TTC28: variants seen among roughly 807,000 people sequenced by gnomAD.
TTC28 encodes the protein tetratricopeptide repeat domain 28.
Under a neutral mutation model 198.0 loss-of-function variants are expected in TTC28, and 61 were observed. The ratio of observed to expected loss-of-function variants is 0.31; its 90% CI spans 0.25 to 0.38. The LOEUF (loss-of-function observed/expected upper bound fraction) is 0.38, where lower values mean the gene tolerates loss of function less well. Among genes scored for constraint, TTC28 ranks in the 10% least tolerant of loss-of-function variants. The pLI, the probability that TTC28 is intolerant of heterozygous loss-of-function variation, is 1.00. For synonymous variants in TTC28, 1,171 were observed against 1,297.8 expected, an observed-to-expected ratio of 0.90 and a Z score of 2.10; for missense variants, 2,678 against 3,164.0, an observed-to-expected ratio of 0.85 and a Z score of 3.69.
chr22:28,246,237 G>A (rs1483762108), intron 5 of TTC28, among the ~76,000 whole-genome samples: 1 of 152,084 alleles, frequency 6.6e-6, no homozygotes, highest in East Asian at 1.9e-4. Flanking sequence ...TCCACTTACT[G>A]AGTAGATCAT....
At chr22:28,639,175 C>T (rs1260755187) in intron 1 of TTC28, among the ~76,000 whole-genome samples, 1 of 152,028 alleles carries the variant, frequency 6.6e-6, no homozygotes, top group Admixed American at 6.6e-5. Flanking sequence ...AAATGTTAGA[C>T]AACAGGAAAA....
chr22:28,615,382 A>T (rs1000854825), intron 2 of TTC28, among the ~76,000 whole-genome samples: 1 of 152,214 alleles, frequency 6.6e-6, no homozygotes, highest in Non-Finnish European at 1.5e-5. Flanking sequence ...ATTTTGGAAG[A>T]CAGTGTGGCA....
chr22:28,617,096 A>G (rs1249861278), intron 2 of TTC28, among the ~76,000 whole-genome samples: 2 of 152,188 alleles, frequency 1.3e-5, no homozygotes, highest in Non-Finnish European at 2.9e-5. Context: ...TATTCACACT[A>G]AAGTAATAAT....
At position 27,987,459 on chromosome 22, in the gene TTC28, C is replaced by T. The variant is rs1041292336; in HGVS notation, c.5708-2103G>A. 3.3e-5 allele frequency among the ~76,000 whole-genome samples: 5 copies of T among 152,312 alleles called. No homozygotes were observed. The South Asian group carries it at 8.3e-4, about 25-fold the overall frequency. ...TATAAAGCAAGGTCTTGGCCAGGTG[C>T]GGTGGCTCACGCCTATAATCCCAAC... On this transcript the variant is annotated intron_variant, in intron 21 of 22. Coordinates refer to ENST00000397906, the MANE Select transcript of TTC28 (RefSeq NM_001145418.2).
At chr22:28,202,537 C>CAAAAAAAAAAA (rs998861083) in intron 5 of TTC28, among the ~76,000 whole-genome samples, 1 of 110,758 alleles carries the variant, frequency 9.0e-6, no homozygotes, top group African/African-American at 3.3e-5. Context: ...GACTCTGTCT[C>CAAAAAAAAAAA]AAAAAAAAAA....
At chr22:28,449,078 A>C (rs1224083341) in intron 2 of TTC28, among the ~76,000 whole-genome samples, 1 of 152,266 alleles carries the variant, frequency 6.6e-6, no homozygotes, top group Non-Finnish European at 1.5e-5. Flanking sequence ...CTTGCTATTT[A>C]TCTGACTCTT....
At chr22:28,127,292 T>C (rs946999470) in intron 6 of TTC28, among the ~76,000 whole-genome samples, 1 of 152,170 alleles carries the variant, frequency 6.6e-6, no homozygotes, top group Non-Finnish European at 1.5e-5. Flanking sequence ...CTTTGATATA[T>C]GAGAACATTT....
Position 27,993,378 on chromosome 22 carries a change from T to TG in TTC28, c.5384dup (p.Thr1796AsnfsTer59). ...AGACAGCCGCTGGCAGGCCACTGGT[T>TG]GGGGGGTCCAGCCGGAAGCCCACAG... On this transcript the variant is annotated frameshift_variant, in exon 18 of 23. Transcript: ENST00000397906. LOFTEE classifies it high-confidence loss of function. The TG allele has an allele frequency of 6.4e-7, 1 of 1,551,042 alleles. No homozygotes were observed. Among genetic ancestry groups the TG allele is most frequent in the East Asian group, 2.4e-5 (1 of 40,900 alleles).
intron 2 of TTC28, among the ~76,000 whole-genome samples, chr22:28,449,532 C>G (rs1286567005): frequency 6.6e-6 from 1 of 152,136 alleles, no homozygotes; most frequent in Admixed American, 6.6e-5. Flanking sequence ...GAAGCTAAGG[C>G]TAAAGAATTA....
chr22:28,595,375 C>T (rs1414821502), intron 2 of TTC28, among the ~76,000 whole-genome samples: 2 of 152,156 alleles, frequency 1.3e-5, no homozygotes, highest in Non-Finnish European at 2.9e-5. Context: ...ATATGAAGCA[C>T]TAATACATTA....
chr22:28,119,460 A>T (rs1470770463), intron 6 of TTC28, among the ~76,000 whole-genome samples: 3 of 152,236 alleles, frequency 2.0e-5, no homozygotes, highest in Non-Finnish European at 4.4e-5. Flanking sequence ...ACCTAAGGAC[A>T]GTGCAAAACT....
intron 2 of TTC28, among the ~76,000 whole-genome samples, chr22:28,449,939 G>A (rs115631415): frequency 3.2e-3 from 492 of 152,190 alleles, no homozygotes; most frequent in African/African-American, 0.011. Context: ...TTCACCATCC[G>A]TTAGAAAAAG....
chr22:28,064,513 C>T (rs1030675368), intron 12 of TTC28, among the ~76,000 whole-genome samples: 3 of 152,016 alleles, frequency 2.0e-5, no homozygotes, highest in Non-Finnish European at 4.4e-5. Flanking sequence ...GCGCGGAAAA[C>T]TCAAATGGGG....
At chr22:28,641,224 TGA>T (rs1367158515) in intron 1 of TTC28, among the ~76,000 whole-genome samples, 4 of 151,768 alleles carry the variant, frequency 2.6e-5, no homozygotes, top group Non-Finnish European at 5.9e-5. Flanking sequence ...CTCAGAAGGC[TGA>T]GGCAGGGGAA....
intron 2 of TTC28, among the ~76,000 whole-genome samples, chr22:28,382,916 C>A (rs542035347): frequency 6.6e-6 from 1 of 152,232 alleles, no homozygotes; most frequent in South Asian, 2.1e-4. Flanking sequence ...TCTTGAACCA[C>A]CTTCACCTAA....
intron 5 of TTC28, among the ~76,000 whole-genome samples, chr22:28,275,902 T>G (rs865997443): frequency 1.3e-5 from 2 of 152,154 alleles, no homozygotes; most frequent in South Asian, 2.1e-4. Context: ...AATCCTGACC[T>G]CCCAGTTGAA....
intron 12 of TTC28, among the ~76,000 whole-genome samples, chr22:28,090,230 A>C (rs536949840): frequency 1.5e-3 from 229 of 152,138 alleles, no homozygotes; most frequent in Non-Finnish European, 3.1e-3. Context: ...TATAATCACC[A>C]CTAAAATATA....
chr22:28,462,938 C>T (rs769443066), intron 2 of TTC28, among the ~76,000 whole-genome samples: 4 of 152,048 alleles, frequency 2.6e-5, no homozygotes, highest in Non-Finnish European at 4.4e-5. Flanking sequence ...TTTGATCTGC[C>T]ATTATAACTT....
chr22:28,356,025 A>T (rs60811750), intron 2 of TTC28, among the ~76,000 whole-genome samples: 2,423 of 152,360 alleles, frequency 0.016, 86 homozygotes, highest in African/African-American at 0.056. Context: ...TTTGAACCTC[A>T]GTTCAAGAGT....
Sources: allele counts gnomAD v4.1 joint callset (sites outside exome capture counted in the v4.1 genomes callset), GRCh38; gene constraint gnomAD v4.1.1; transcripts MANE v1.5; gene names NCBI Gene and HGNC (gene_info 2026-07-23, HGNC 2026-07-21).